Variants in PRKCA observed in about 807,000 individuals in gnomAD.
The protein encoded by PRKCA is protein kinase C alpha, also known as protein kinase C alpha type.
Under a neutral mutation model 87.0 loss-of-function variants are expected in PRKCA, and 27 were observed. The observed-to-expected ratio is 0.31, with a 90% CI of 0.23 to 0.43. The LOEUF (loss-of-function observed/expected upper bound fraction) is 0.43. Among genes scored for constraint, PRKCA ranks in the 20% least tolerant of loss-of-function variants. The pLI is 1.00. For synonymous variants in PRKCA, 329 were observed against 311.1 expected (o/e 1.06, Z -0.61); for missense variants, 518 against 852.3 (o/e 0.61, Z 4.88).
chr17:66,367,750 A>T (rs192393469), intron 2 of PRKCA, among the ~76,000 whole-genome samples: 3 of 152,258 alleles, frequency 2.0e-5, no homozygotes, highest in Non-Finnish European at 4.4e-5. Flanking sequence ...TGCTGGCTTT[A>T]TGGTATTGGG....
In PRKCA at chr17:66,352,813, C is replaced by G. The variant is rs528734995; in HGVS notation, c.205+46686C>G. On this transcript the variant is annotated intron_variant, in intron 2 of 16. Transcript: ENST00000413366. The stretch of plus-strand genomic sequence containing the variant: ...TCCTGACCTTGTGATCCGCCCGCCT[C>G]TACCTTCCAAAGTGCTGGGATTACA... Among the ~76,000 whole-genome samples the G allele has an allele frequency of 5.0e-3, 766 of 152,090 alleles. 4 individuals are homozygous for G. Among genetic ancestry groups the G allele is most frequent in the African/African-American group, 0.018 (727 of 41,480 alleles).
chr17:66,721,420 C>G (rs1302891888), intron 8 of PRKCA, among the ~76,000 whole-genome samples: 1 of 149,594 alleles, frequency 6.7e-6, no homozygotes, highest in Admixed American at 6.7e-5. Flanking sequence ...AAAAGAATGG[C>G]TACTCCATAG....
At chr17:66,342,058 C>A (rs1441167719) in intron 2 of PRKCA, among the ~76,000 whole-genome samples, 1 of 152,210 alleles carries the variant, frequency 6.6e-6, no homozygotes, top group Non-Finnish European at 1.5e-5. Flanking sequence ...CACACAGACA[C>A]CAAGGACACA....
At chr17:66,522,174 C>CAGGA (rs1472228534) in intron 3 of PRKCA, among the ~76,000 whole-genome samples, 1 of 152,270 alleles carries the variant, frequency 6.6e-6, no homozygotes, top group African/African-American at 2.4e-5. Context: ...GGATGTGGAC[C>CAGGA]AGGAGCCCCG....
At chr17:66,606,991 C>T (rs546270907) in intron 3 of PRKCA, among the ~76,000 whole-genome samples, 39 of 152,152 alleles carry the variant, frequency 2.6e-4, no homozygotes, top group South Asian at 6.2e-4. Context: ...AATGACCCAG[C>T]GATGGAGTTG....
chr17:66,440,485 G>A (rs185235717), intron 2 of PRKCA, among the ~76,000 whole-genome samples: 1 of 152,290 alleles, frequency 6.6e-6, no homozygotes, highest in Non-Finnish European at 1.5e-5. Flanking sequence ...ACAAGAAGAG[G>A]CCCCTGCCCC....
intron 2 of PRKCA, among the ~76,000 whole-genome samples, chr17:66,329,267 G>A (rs1055351035): frequency 2.0e-5 from 3 of 152,190 alleles, no homozygotes; most frequent in Admixed American, 6.5e-5. Flanking sequence ...TCACTATTAC[G>A]TAGCATGCTA....
chr17:66,579,027 G>A (rs1969333163), intron 3 of PRKCA, among the ~76,000 whole-genome samples: 1 of 152,144 alleles, frequency 6.6e-6, no homozygotes, highest in South Asian at 2.1e-4. Flanking sequence ...TGGCCTCTTG[G>A]GGCTCCCTGC....
chr17:66,521,822 A>G (rs2144222721), intron 3 of PRKCA, among the ~76,000 whole-genome samples: 1 of 152,290 alleles, frequency 6.6e-6, no homozygotes, highest in Admixed American at 6.5e-5. Context: ...ACGGTCAAGA[A>G]TTGTTGTATT....
At chr17:66,474,696 G>A (rs541481918) in intron 2 of PRKCA, among the ~76,000 whole-genome samples, 2 of 152,294 alleles carry the variant, frequency 1.3e-5, no homozygotes, top group South Asian at 4.2e-4. Flanking sequence ...TATACCGGAA[G>A]CCCATTTCCT....
intron 3 of PRKCA, among the ~76,000 whole-genome samples, chr17:66,610,268 G>A (rs565790307): frequency 1.3e-5 from 2 of 152,290 alleles, no homozygotes; most frequent in South Asian, 4.1e-4. Context: ...CACAGGGCAA[G>A]GGATGTGAGG....
intron 3 of PRKCA, among the ~76,000 whole-genome samples, chr17:66,524,347 A>G (rs73338574): frequency 0.011 from 1,681 of 152,344 alleles, 28 homozygotes; most frequent in African/African-American, 0.038. Flanking sequence ...CAATATAGGA[A>G]GTATCCTTCA....
chr17:66,778,766 G>A (rs552365568), intron 14 of PRKCA, among the ~76,000 whole-genome samples: 14 of 151,502 alleles, frequency 9.2e-5, no homozygotes, highest in African/African-American at 2.2e-4. Context: ...GATCGAGCCC[G>A]GGGGGTCAAG....
intron 2 of PRKCA, among the ~76,000 whole-genome samples, chr17:66,350,715 G>A (rs1907689656): frequency 6.6e-6 from 1 of 152,024 alleles, no homozygotes. Context: ...GGTAGAGATG[G>A]GGTTTTGCTG....
chr17:66,800,965 C>T (rs763723371), intron 16 of PRKCA, among the ~76,000 whole-genome samples: 3 of 152,232 alleles, frequency 2.0e-5, no homozygotes, highest in Non-Finnish European at 4.4e-5. Context: ...ACATCCCAGC[C>T]TCTGGGAGCC....
chr17:66,748,580 A>G (rs185472745), intron 13 of PRKCA, among the ~76,000 whole-genome samples: 153 of 152,264 alleles, frequency 1.0e-3, no homozygotes, highest in African/African-American at 3.6e-3. Flanking sequence ...CGGGAGTGGG[A>G]TGGGCAGAAG....
At chr17:66,437,731 T>TTTTTTG in intron 2 of PRKCA, among the ~76,000 whole-genome samples, 1 of 11,142 alleles carries the variant, frequency 9.0e-5, no homozygotes, top group Non-Finnish European at 1.6e-4. Flanking sequence ...TTTTTTTTTT[T>TTTTTTG]GAGCGGGGGG....
At chr17:66,542,415 G>T (rs1200452286) in intron 3 of PRKCA, among the ~76,000 whole-genome samples, 1 of 152,084 alleles carries the variant, frequency 6.6e-6, no homozygotes, top group African/African-American at 2.4e-5. Flanking sequence ...CATAGAAGTC[G>T]CACATGAGAG....
intron 3 of PRKCA, among the ~76,000 whole-genome samples, chr17:66,506,294 TAA>T (rs5821520): frequency 1.6e-4 from 22 of 141,316 alleles, no homozygotes; most frequent in Admixed American, 8.4e-4. Flanking sequence ...AGACCCCGTC[TAA>T]AAAAAAAAAA....
Sources: allele counts gnomAD v4.1 joint callset (sites outside exome capture counted in the v4.1 genomes callset), GRCh38; gene constraint gnomAD v4.1.1; transcripts MANE v1.5; gene names NCBI Gene and HGNC (gene_info 2026-07-23, HGNC 2026-07-21).